TMEM132B: variants seen among roughly 807,000 people sequenced by gnomAD.
TMEM132B encodes the protein transmembrane protein 132B.
Under a neutral mutation model 90.8 loss-of-function variants are expected in TMEM132B, and 18 were observed. The ratio of observed to expected loss-of-function variants is 0.20; its 90% CI spans 0.14 to 0.29. The LOEUF (loss-of-function observed/expected upper bound fraction) is 0.29. TMEM132B is among the 10% of genes least tolerant of loss of function. The pLI, the probability that TMEM132B is intolerant of heterozygous loss-of-function variation, is 1.00. For synonymous variants in TMEM132B, 504 were observed against 523.3 expected (o/e 0.96, Z 0.50); for missense variants, 1,096 against 1,326.8 (o/e 0.83, Z 2.70).
chr12:125,266,058 GTC>G (rs1018134088), intron 1 of TMEM132B, among the ~76,000 whole-genome samples: 2 of 152,206 alleles, frequency 1.3e-5, no homozygotes, highest in Non-Finnish European at 2.9e-5. Flanking sequence ...GTGAAACCCT[GTC>G]TCTACTAAAA....
At chr12:125,440,782 A>T (rs1880848668) in intron 3 of TMEM132B, among the ~76,000 whole-genome samples, 1 of 152,186 alleles carries the variant, frequency 6.6e-6, no homozygotes, top group African/African-American at 2.4e-5. Flanking sequence ...TTTATTAAAA[A>T]TATCAGGAGA....
Position 125,458,566 on chromosome 12 carries a change from T to G in TMEM132B, c.1106+42889T>G, listed in dbSNP as rs1881356255. Among the ~76,000 whole-genome samples, 1 of 151,882 alleles carries G rather than the reference T, an allele frequency of 6.6e-6. No homozygotes were observed. Among genetic ancestry groups the G allele is most frequent in the Admixed American group, 6.5e-5 (1 of 15,280 alleles). ...GAGCTCCCTCAGGGCTGGGGGATGG[T>G]TATGTTGAGAGCAGCCAGGTGGAGA... On this transcript the variant is annotated intron_variant, in intron 3 of 8. Transcript: ENST00000682704. The surrounding 1 kb of genome is among the most constrained non-coding windows in gnomAD (Gnocchi z 4.9).
chr12:125,376,060 G>A (rs1878469983), intron 2 of TMEM132B, among the ~76,000 whole-genome samples: 1 of 152,210 alleles, frequency 6.6e-6, no homozygotes, highest in Admixed American at 6.5e-5. Context: ...TCCTGGTTAA[G>A]TCAAGGAGGT....
intron 2 of TMEM132B, among the ~76,000 whole-genome samples, chr12:125,402,741 T>C (rs997574087): frequency 1.3e-5 from 2 of 152,112 alleles, no homozygotes; most frequent in African/African-American, 4.8e-5. Context: ...TCTGGAAGAG[T>C]CCATTTATCA....
intron 2 of TMEM132B, among the ~76,000 whole-genome samples, chr12:125,382,442 T>G (rs1878713827): frequency 6.6e-6 from 1 of 152,100 alleles, no homozygotes; most frequent in Admixed American, 6.5e-5. Flanking sequence ...ACTGCCTTCT[T>G]AAGGAGCAGT....
chr12:125,320,584 A>G (rs1273350595), intron 1 of TMEM132B, among the ~76,000 whole-genome samples: 2 of 152,152 alleles, frequency 1.3e-5, no homozygotes, highest in Non-Finnish European at 2.9e-5. Context: ...TGTTTGCTCT[A>G]TGAAGAACTC....
At position 125,459,467 on chromosome 12, in the gene TMEM132B, C is replaced by T. The variant is rs1294499188; in HGVS notation, c.1106+43790C>T. ...TCACTTATTTGTGGGATGTAAAAAT[C>T]AAAACAATTGAAATCATGGACATAG... On this transcript the variant is annotated intron_variant, in intron 3 of 8. Coordinates refer to ENST00000682704, the MANE Select transcript of TMEM132B (RefSeq NM_001366854.1). This position sits in a 1 kb window ranked among gnomAD's most constrained non-coding sequence, Gnocchi z 4.1. Among the ~76,000 whole-genome samples the T allele has an allele frequency of 6.6e-6, 1 of 152,002 alleles. No homozygotes were observed. The highest frequency in any genetic ancestry group is 1.5e-5 in the Non-Finnish European group (1 of 68,002).
At chr12:125,290,125 C>CA (rs1039925587) in intron 1 of TMEM132B, among the ~76,000 whole-genome samples, 9 of 152,136 alleles carry the variant, frequency 5.9e-5, no homozygotes, top group African/African-American at 2.2e-4. Context: ...AAAACTGGAA[C>CA]AAAATGAAAG....
At position 125,474,027 on chromosome 12, in the gene TMEM132B, T is replaced by TTTCC. The variant is rs3070202; in HGVS notation, c.1107-45392_1107-45389dup. ...GAGCTCACCTTTCCTTCCTTCCTTC[T>TTTCC]TTCCTTCCTTCCTTCCTTCCTTCTT... On this transcript the variant is annotated intron_variant, in intron 3 of 8. Coordinates refer to ENST00000682704, the MANE Select transcript of TMEM132B (RefSeq NM_001366854.1). Among the ~76,000 whole-genome samples, 225 of 150,090 alleles carry TTTCC rather than the reference T, an allele frequency of 1.5e-3. 2 individuals are homozygous for TTTCC. The highest frequency in any genetic ancestry group is 6.8e-3 in the Middle Eastern group (2 of 292).
chr12:125,364,976 A>G (rs781009396), intron 2 of TMEM132B, among the ~76,000 whole-genome samples: 28 of 151,954 alleles, frequency 1.8e-4, no homozygotes, highest in Non-Finnish European at 3.7e-4. Flanking sequence ...TTTAATTAGT[A>G]TGCTTATTTC....
intron 3 of TMEM132B, among the ~76,000 whole-genome samples, chr12:125,431,809 C>T (rs1165563977): frequency 1.3e-5 from 2 of 152,132 alleles, no homozygotes; most frequent in Admixed American, 6.5e-5. Flanking sequence ...GCTTGAGATA[C>T]AATCTGCAAT....
chr12:125,465,551 G>T (rs1248354133), intron 3 of TMEM132B, among the ~76,000 whole-genome samples: 2 of 152,166 alleles, frequency 1.3e-5, no homozygotes. Flanking sequence ...TTAGAGTCTG[G>T]TTTACATTAT....
chr12:125,348,388 G>A (rs1268417449), intron 1 of TMEM132B, among the ~76,000 whole-genome samples: 1 of 152,106 alleles, frequency 6.6e-6, no homozygotes, highest in Non-Finnish European at 1.5e-5. Flanking sequence ...GTGCAGTGGT[G>A]CAATCCCAGC....
At chr12:125,435,045 C>T (rs541216372) in intron 3 of TMEM132B, among the ~76,000 whole-genome samples, 11 of 152,300 alleles carry the variant, frequency 7.2e-5, no homozygotes, top group African/African-American at 2.2e-4. Flanking sequence ...TCTCATCCTC[C>T]GCACCTCTGC....
At chr12:125,629,192 A>G (rs1420678653) in intron 5 of TMEM132B, among the ~76,000 whole-genome samples, 1 of 151,650 alleles carries the variant, frequency 6.6e-6, no homozygotes, top group Non-Finnish European at 1.5e-5. Context: ...GAAGAATGTC[A>G]TTGGTATTTT....
At chr12:125,531,517 T>C (rs1883646570) in intron 4 of TMEM132B, among the ~76,000 whole-genome samples, 1 of 152,190 alleles carries the variant, frequency 6.6e-6, no homozygotes, top group South Asian at 2.1e-4. Context: ...CACCCTGATG[T>C]CATAGCCTAC....
chr12:125,585,439 A>G (rs1400577483), intron 5 of TMEM132B: 1 of 152,222 alleles, frequency 6.6e-6, no homozygotes. Flanking sequence ...GCTATTGACA[A>G]TGCGCAAGTT....
chr12:125,324,381 G>A (rs373530142), intron 1 of TMEM132B, among the ~76,000 whole-genome samples: 63 of 152,308 alleles, frequency 4.1e-4, no homozygotes, highest in African/African-American at 1.3e-3. Context: ...CACGTCACGC[G>A]TGTGCAGGTA....
chr12:125,613,679 T>A (rs906312102), intron 5 of TMEM132B, among the ~76,000 whole-genome samples: 2 of 152,040 alleles, frequency 1.3e-5, no homozygotes, highest in Non-Finnish European at 2.9e-5. Context: ...TTTATATAAC[T>A]TCTTCCTATT....
Sources: allele counts gnomAD v4.1 joint callset (sites outside exome capture counted in the v4.1 genomes callset), GRCh38; gene constraint gnomAD v4.1.1; non-coding constraint Gnocchi (gnomAD v3.1); transcripts MANE v1.5; gene names NCBI Gene and HGNC (gene_info 2026-07-23, HGNC 2026-07-21).